The following MTBP variants were observed in gnomAD, a reference collection of about 807,000 sequenced individuals.
The protein encoded by MTBP is mdm2-binding protein.
In MTBP, 101 loss-of-function variants were observed where a neutral mutation model predicts 117.0. The observed-to-expected ratio is 0.86, with a 90% CI of 0.73 to 1.02. The LOEUF (loss-of-function observed/expected upper bound fraction) is 1.02, where lower values mean the gene tolerates loss of function less well. Ranked by LOEUF, MTBP falls within the 50% of genes least tolerant of loss-of-function variation. The pLI, the probability that MTBP is intolerant of heterozygous loss-of-function variation, is 0.00. For missense variants in MTBP, 970 were observed against 1,030.9 expected (o/e 0.94, Z 0.81); for synonymous variants, 350 against 351.5 (o/e 1.00, Z 0.05).
At chr8:120,495,598 T>C (rs1387728084) in intron 13 of MTBP, among the ~76,000 whole-genome samples, 4 of 152,134 alleles carry the variant, frequency 2.6e-5, no homozygotes, top group Non-Finnish European at 4.4e-5. Context: ...ATATTGACTT[T>C]TCTGGACAGA....
At chr8:120,484,939 A>G (rs1194219271) in intron 11 of MTBP, among the ~76,000 whole-genome samples, 1 of 152,186 alleles carries the variant, frequency 6.6e-6, no homozygotes, top group Non-Finnish European at 1.5e-5. Context: ...TCTTGGACTT[A>G]GTATAATGTT....
intron 14 of MTBP, 40 bp downstream of exon 14, chr8:120,497,594 G>A (rs1563800868): frequency 8.5e-7 from 1 of 1,177,070 alleles, no homozygotes; most frequent in Non-Finnish European, 1.2e-6. Context: ...TCGTGTGTGT[G>A]TGGCAACTAT....
At chr8:120,494,025 G>A (rs1185493214) in intron 13 of MTBP, among the ~76,000 whole-genome samples, 1 of 152,136 alleles carries the variant, frequency 6.6e-6, no homozygotes, top group Non-Finnish European at 1.5e-5. Context: ...TCTTGATTGT[G>A]GAAGGAATGT....
chr8:120,461,337 A>G (rs1434952295), intron 9 of MTBP, 82 bp downstream of exon 9: 5 of 912,086 alleles, frequency 5.5e-6, no homozygotes, highest in Non-Finnish European at 8.6e-6. Context: ...GTAAATATAC[A>G]TGTTAGGTAT....
Position 120,453,910 on chromosome 8 carries a change from T to G in MTBP, c.484+5T>G, listed in dbSNP as rs375696179. The G allele has an allele frequency of 1.9e-6, 3 of 1,543,182 alleles. No homozygotes were observed. In the African/African-American group the frequency reaches 4.1e-5, roughly 21 times the overall value. On this transcript the variant is annotated splice_donor_5th_base_variant and intron_variant, in intron 5 of 21. Coordinates refer to ENST00000305949, the MANE Select transcript of MTBP (RefSeq NM_022045.5). ...CAGACAAGCTTCCTGCTCCTGGTAA[T>G]ATTTTATGACTGCTTTCAATAATTT... is the stretch of plus-strand genomic sequence containing the variant.
rs1164728028 is a variant in MTBP at position 120,446,484 on chromosome 8, C to T, written c.170C>T (p.Ser57Leu). The change falls in exon 2 of 22, where the codon TCA (serine) becomes TTA (leucine). Residue 57 changes from serine (S) to leucine (L), a missense_variant. Ser to Leu is a moderately radical substitution (Grantham distance 145, BLOSUM62 -2). Transcript: ENST00000305949. ...CTCTTGAAAAGAAGCATTAGTGCTT[C>T]AATTAATCCAGAAGATAGTACTTTC... ...YHLLKRSISA[S>L]INPEDSTFPA... 1 of 1,604,838 alleles carries T rather than the reference C, an allele frequency of 6.2e-7. No homozygotes were observed.
chr8:120,488,132 C>T (rs373696521), intron 11 of MTBP, 27 bp from the exon 12 acceptor site: 11 of 1,552,956 alleles, frequency 7.1e-6, no homozygotes, highest in Non-Finnish European at 9.6e-6. Flanking sequence ...TTTTCACATA[C>T]TTAACAAGAT....
chr8:120,446,689 A>G (rs184618542), intron 2 of MTBP, among the ~76,000 whole-genome samples, 176 bp downstream of exon 2: 2 of 152,086 alleles, frequency 1.3e-5, no homozygotes, highest in African/African-American at 4.8e-5. Context: ...TTTCTTCTAG[A>G]TGCTTGAATA....
rs553789714 is a variant in MTBP, at chr8:120,481,197, A to T, written c.1166-6962A>T. Among the ~76,000 whole-genome samples the T allele has an allele frequency of 5.3e-5, 8 of 152,312 alleles. 1 individual carries two copies. In the East Asian group the frequency reaches 1.2e-3, roughly 22 times the overall value. ...CAGTGACTATCAAATGTTGATGAGG[A>T]TGTGGAGAAACTTCACATCTCACAC... On this transcript the variant is annotated intron_variant, in intron 11 of 21. Coordinates refer to ENST00000305949, the MANE Select transcript of MTBP (RefSeq NM_022045.5).
chr8:120,453,931 A>G lies in MTBP; in HGVS notation c.484+26A>G, dbSNP rs1441796919. 2.9e-6 allele frequency: 4 copies of G among 1,391,018 alleles called. No homozygotes were observed. The East Asian group carries it at 9.4e-5, about 33-fold the overall frequency. 86.2% of individuals were successfully genotyped at this position (1,391,018 alleles called of 1,614,324 possible). A position where few individuals can be genotyped will look rare whatever the true frequency, so the allele number is the denominator to read the frequency against. ...GTAATATTTTATGACTGCTTTCAAT[A>G]ATTTGTATCTTATCTTATTACACTT... On this transcript the variant is annotated intron_variant, in intron 5 of 21. Coordinates refer to ENST00000305949, the MANE Select transcript of MTBP (RefSeq NM_022045.5).
intron 11 of MTBP, among the ~76,000 whole-genome samples, chr8:120,478,053 C>T (rs557499019): frequency 2.6e-5 from 4 of 152,276 alleles, no homozygotes; most frequent in African/African-American, 4.8e-5. Flanking sequence ...CACATATACA[C>T]CATGGAATAC....
intron 16 of MTBP, among the ~76,000 whole-genome samples, chr8:120,509,328 G>T (rs936533382): frequency 6.6e-6 from 1 of 152,170 alleles, no homozygotes; most frequent in African/African-American, 2.4e-5. Context: ...TTGGCTGGAC[G>T]CAGTGGCTCA....
intron 17 of MTBP, among the ~76,000 whole-genome samples, chr8:120,512,561 G>A (rs548726529): frequency 6.6e-6 from 1 of 150,440 alleles, no homozygotes; most frequent in South Asian, 2.1e-4. Context: ...ATTTATTTGA[G>A]TACTGTGTCC....
chr8:120,515,059 G>A (rs1439636387), intron 17 of MTBP, among the ~76,000 whole-genome samples: 1 of 151,944 alleles, frequency 6.6e-6, no homozygotes, highest in African/African-American at 2.4e-5. Flanking sequence ...CACTCCTTGG[G>A]AGTTGAACTA....
intron 21 of MTBP, 95 bp from the exon 22 acceptor site, chr8:120,523,203 T>G: frequency 1.2e-6 from 1 of 814,288 alleles, no homozygotes; most frequent in East Asian, 2.6e-5. Flanking sequence ...ATTTGAAATT[T>G]TCTACCATGT....
Position 120,490,479 on chromosome 8 carries a change from A to T in MTBP, c.1356A>T (p.Leu452Phe), listed in dbSNP as rs561414209. 3 of 1,600,880 alleles carry T rather than the reference A, an allele frequency of 1.9e-6. No individual in the cohort carries two copies. Among genetic ancestry groups the T allele is most frequent in the East Asian group, 2.3e-5 (1 of 44,358 alleles). ...EEAKLSFPFD[L>F]LSLPHFSGEQ... ...ATTTCTCAGGTTTTCCTTTTGACTT[A>T]TTATCACTTCCACATTTTTCTGGGG... Residue 452 changes from leucine to phenylalanine, a missense_variant, in exon 13 of 22, where the codon TTA (leucine) becomes TTT (phenylalanine). Leu to Phe is a conservative substitution (Grantham distance 22, BLOSUM62 0). Transcript: ENST00000305949.
intron 2 of MTBP, among the ~76,000 whole-genome samples, chr8:120,450,193 TAGA>T (rs1300713632): frequency 1.3e-5 from 2 of 152,114 alleles, no homozygotes; most frequent in Non-Finnish European, 2.9e-5. Context: ...AACATTGAAT[TAGA>T]AGGACAGTGC....
chr8:120,509,912 A>C (rs771299969), intron 16 of MTBP, 22 bp from the exon 17 acceptor site: 5 of 1,558,212 alleles, frequency 3.2e-6, no homozygotes, highest in Non-Finnish European at 4.4e-6. Context: ...TTTGAATACA[A>C]ATGAAAAATT....
chr8:120,448,266 C>T (rs1015634829), intron 2 of MTBP, among the ~76,000 whole-genome samples: 1 of 152,152 alleles, frequency 6.6e-6, no homozygotes, highest in Non-Finnish European at 1.5e-5. Flanking sequence ...CTCTGAGTTC[C>T]TTTAATATTA....
Sources: allele counts gnomAD v4.1 joint callset (sites outside exome capture counted in the v4.1 genomes callset), GRCh38; gene constraint gnomAD v4.1.1; transcripts MANE v1.5; gene names NCBI Gene and HGNC (gene_info 2026-07-23, HGNC 2026-07-21).